Variants in DOCK3 observed in about 807,000 individuals in gnomAD.
DOCK3 encodes dedicator of cytokinesis 3.
Under a neutral mutation model 265.6 loss-of-function variants are expected in DOCK3, and 60 were observed. That is an observed-to-expected ratio of 0.23 (90% CI 0.18 to 0.28). The LOEUF is 0.28. Ranked by LOEUF, DOCK3 falls within the 10% of genes least tolerant of loss-of-function variation. The pLI, the probability that DOCK3 is intolerant of heterozygous loss-of-function variation, is 1.00. For missense variants in DOCK3, 1,981 were observed against 2,594.3 expected, an observed-to-expected ratio of 0.76 and a Z score of 5.14; for synonymous variants, 881 against 938.0, an observed-to-expected ratio of 0.94 and a Z score of 1.11.
intron 5 of DOCK3, among the ~76,000 whole-genome samples, chr3:51,042,422 A>T (rs2080571126): frequency 6.6e-6 from 1 of 152,202 alleles, no homozygotes; most frequent in Admixed American, 6.5e-5. Context: ...TAGGTATTGA[A>T]AGAATATACC....
chr3:50,845,233 T>C (rs1371696441), intron 3 of DOCK3, among the ~76,000 whole-genome samples: 1 of 151,884 alleles, frequency 6.6e-6, no homozygotes, highest in African/African-American at 2.4e-5. Context: ...ACAAAAAAAC[T>C]TAAGAGCATA....
chr3:51,341,957 A>C (rs2085271036), intron 38 of DOCK3, among the ~76,000 whole-genome samples: 1 of 152,202 alleles, frequency 6.6e-6, no homozygotes. Context: ...CTTCCCAGCC[A>C]TTCTCCTCCC....
intron 22 of DOCK3, among the ~76,000 whole-genome samples, chr3:51,250,393 C>T (rs375588650): frequency 2.6e-5 from 4 of 152,078 alleles, no homozygotes; most frequent in East Asian, 3.8e-4. Context: ...CCAAGGCGGG[C>T]GGATCACCTG....
intron 3 of DOCK3, among the ~76,000 whole-genome samples, chr3:50,862,923 C>A (rs12639243): frequency 6.6e-6 from 1 of 152,056 alleles, no homozygotes. Flanking sequence ...ACACGTGTCA[C>A]CCTCCAGTGG....
intron 9 of DOCK3, among the ~76,000 whole-genome samples, chr3:51,141,643 TA>T (rs1176928386): frequency 1.3e-5 from 2 of 152,178 alleles, no homozygotes; most frequent in African/African-American, 2.4e-5. Context: ...GAAAAGGTTT[TA>T]AGCTGGGAAA....
Position 51,239,555 on chromosome 3 carries a change from GT to G in DOCK3, c.2102+1975del, listed in dbSNP as rs778591592. On this transcript the variant is annotated intron_variant, in intron 21 of 52. Transcript: ENST00000266037. ...TGGCTGTGAATCTGTCTGGTCCTGG[GT>G]TTTTTTTTTGTTTGTTTGTTTTTTG... Among the ~76,000 whole-genome samples the G allele has an allele frequency of 2.3e-3, 298 of 128,548 alleles. 5 individuals carry two copies. Among genetic ancestry groups the G allele is most frequent in the African/African-American group, 6.4e-3 (224 of 34,942 alleles). 84.3% of individuals were successfully genotyped at this position (128,548 alleles called of 152,430 possible). A position where few individuals can be genotyped will look rare whatever the true frequency, so the allele number is the denominator to read the frequency against.
chr3:50,705,877 A>G (rs2036379826), intron 1 of DOCK3, among the ~76,000 whole-genome samples: 1 of 152,168 alleles, frequency 6.6e-6, no homozygotes, highest in African/African-American at 2.4e-5. Context: ...TAAAAAATAC[A>G]AACATTAGCT....
chr3:51,052,248 G>A (rs1023280992), intron 5 of DOCK3, among the ~76,000 whole-genome samples: 3 of 152,122 alleles, frequency 2.0e-5, no homozygotes, highest in Non-Finnish European at 4.4e-5. Flanking sequence ...GCTCATGCCC[G>A]TAATCCCAGC....
chr3:50,892,491 T>C (rs1438417395), intron 4 of DOCK3, among the ~76,000 whole-genome samples: 1 of 152,120 alleles, frequency 6.6e-6, no homozygotes, highest in Non-Finnish European at 1.5e-5. Flanking sequence ...TGTCAGTCCC[T>C]TCTCCCAGCT....
chr3:50,720,464 A>G (rs899620606), intron 1 of DOCK3, among the ~76,000 whole-genome samples: 3 of 152,216 alleles, frequency 2.0e-5, no homozygotes, highest in Non-Finnish European at 2.9e-5. Context: ...TGTGAAGGAC[A>G]TGATCTCATT....
chr3:51,250,882 T>C (rs1576543165), intron 22 of DOCK3, among the ~76,000 whole-genome samples: 1 of 152,344 alleles, frequency 6.6e-6, no homozygotes, highest in Non-Finnish European at 1.5e-5. Context: ...TTATTATTGT[T>C]ATTATACTTA....
At chr3:51,151,710 G>A (rs546466058) in intron 10 of DOCK3, among the ~76,000 whole-genome samples, 2 of 152,268 alleles carry the variant, frequency 1.3e-5, no homozygotes, top group South Asian at 4.1e-4. Context: ...AAGTCTCTCA[G>A]CATTTGCTTG....
At chr3:51,109,769 C>T (rs916379435) in intron 9 of DOCK3, among the ~76,000 whole-genome samples, 3 of 151,616 alleles carry the variant, frequency 2.0e-5, no homozygotes, top group African/African-American at 4.9e-5. Flanking sequence ...CCCATCTCTA[C>T]AAAAAATACT....
chr3:50,749,449 C>T (rs932677130), intron 1 of DOCK3, among the ~76,000 whole-genome samples: 2 of 152,126 alleles, frequency 1.3e-5, no homozygotes, highest in African/African-American at 2.4e-5. Flanking sequence ...TTCTCTACCT[C>T]GTCTTGTAAA....
At chr3:51,012,284 C>T (rs545098266) in intron 5 of DOCK3, among the ~76,000 whole-genome samples, 10 of 152,274 alleles carry the variant, frequency 6.6e-5, no homozygotes, top group East Asian at 5.8e-4. Flanking sequence ...CCTTGAGCTG[C>T]GGTGGGCTCC....
rs1371388850 is a variant in DOCK3, at chr3:51,374,525, C to T, written c.5350C>T (p.Pro1784Ser). ...RHAREMMLLL[P>S]TYRDRPSSAM... ...TGCCCGTGAAATGATGTTGTTGCTG[C>T]CCACATACCGGGACCGCCCAAGCAG... Residue 1784 changes from proline to serine, a missense_variant, in exon 50 of 53, where the codon CCC becomes TCC. By Grantham distance (74) the Pro-to-Ser change is moderately conservative. Coordinates refer to ENST00000266037, the MANE Select transcript of DOCK3 (RefSeq NM_004947.5). The surrounding 1 kb of genome is among the most constrained non-coding windows in gnomAD (Gnocchi z 4.8). 1.2e-6 allele frequency: 2 copies of T among 1,613,886 alleles called. No individual in the cohort carries two copies. The highest frequency in any genetic ancestry group is 1.7e-6 in the Non-Finnish European group (2 of 1,179,850).
chr3:50,737,659 C>A (rs1220037541), intron 1 of DOCK3, among the ~76,000 whole-genome samples: 1 of 152,106 alleles, frequency 6.6e-6, no homozygotes, highest in Non-Finnish European at 1.5e-5. Context: ...TTCAAATGAC[C>A]TTTGAGCTCA....
chr3:50,861,540 A>C (rs550057021), intron 3 of DOCK3, among the ~76,000 whole-genome samples: 6 of 152,130 alleles, frequency 3.9e-5, no homozygotes, highest in Admixed American at 2.6e-4. Flanking sequence ...ATTCTCCACT[A>C]TTGCTGTATG....
chr3:50,766,986 T>G (rs2040926471), intron 1 of DOCK3, among the ~76,000 whole-genome samples: 1 of 152,148 alleles, frequency 6.6e-6, no homozygotes, highest in Admixed American at 6.5e-5. Flanking sequence ...TGTTGTAAAT[T>G]TGTTTGAGTT....
Sources: allele counts gnomAD v4.1 joint callset (sites outside exome capture counted in the v4.1 genomes callset), GRCh38; gene constraint gnomAD v4.1.1; non-coding constraint Gnocchi (gnomAD v3.1); transcripts MANE v1.5; gene names NCBI Gene and HGNC (gene_info 2026-07-23, HGNC 2026-07-21).